Variants in NTF3 observed in about 807,000 individuals in gnomAD.
NTF3 encodes the protein neurotrophin-3.
A neutral mutation model predicts 26.3 loss-of-function variants in NTF3; 8 were observed. That is an observed-to-expected ratio of 0.30 (90% CI 0.18 to 0.55). The LOEUF is 0.55. Ranked by LOEUF, NTF3 falls within the 20% of genes least tolerant of loss-of-function variation. The pLI is 0.93. For synonymous variants in NTF3, 154 were observed against 145.5 expected (o/e 1.06, Z -0.42); for missense variants, 276 against 352.9 (o/e 0.78, Z 1.75).
chr12:5,453,926 T>C (rs1940405478), intron 1 of NTF3, among the ~76,000 whole-genome samples: 1 of 152,248 alleles, frequency 6.6e-6, no homozygotes, highest in Non-Finnish European at 1.5e-5. Context: ...TTGTGCTCTG[T>C]GGCAGGTTAA....
chr12:5,446,709 C>T (rs1940310620), intron 1 of NTF3, among the ~76,000 whole-genome samples: 1 of 152,098 alleles, frequency 6.6e-6, no homozygotes, highest in Admixed American at 6.5e-5. Context: ...CATTGCAATC[C>T]CTGGGTTTCT....
chr12:5,472,855 T>A (rs1940681813), intron 1 of NTF3, among the ~76,000 whole-genome samples: 1 of 152,206 alleles, frequency 6.6e-6, no homozygotes, highest in South Asian at 2.1e-4. Context: ...GAACCAGTGA[T>A]CATAGATATC....
upstream of NTF3, among the ~76,000 whole-genome samples, chr12:5,430,893 G>A (rs1334483400): frequency 6.6e-6 from 1 of 151,990 alleles, no homozygotes; most frequent in African/African-American, 2.4e-5. Flanking sequence ...GGGGCTTGGA[G>A]CGGAGGTCCA....
At chr12:5,435,716 G>T (rs1940158889) in intron 1 of NTF3, among the ~76,000 whole-genome samples, 1 of 152,156 alleles carries the variant, frequency 6.6e-6, no homozygotes, top group South Asian at 2.1e-4. Flanking sequence ...TGGAGCTGGA[G>T]AATGGTGAAG....
At chr12:5,468,910 C>T (rs1940627908) in intron 1 of NTF3, among the ~76,000 whole-genome samples, 1 of 152,134 alleles carries the variant, frequency 6.6e-6, no homozygotes, top group Non-Finnish European at 1.5e-5. Flanking sequence ...CGCTTTAGCC[C>T]AGGAGTAAGA....
chr12:5,482,512 G>A (rs971832506), intron 1 of NTF3, among the ~76,000 whole-genome samples: 3 of 152,174 alleles, frequency 2.0e-5, no homozygotes, highest in African/African-American at 7.2e-5. Flanking sequence ...ATGGTGGCAG[G>A]GTGGAGCAGT....
chr12:5,460,688 G>C (rs1217521036), intron 1 of NTF3, among the ~76,000 whole-genome samples: 2 of 152,050 alleles, frequency 1.3e-5, no homozygotes, highest in African/African-American at 4.8e-5. Flanking sequence ...AATAAAACCA[G>C]CTAGGTCAAT....
At chr12:5,470,310 A>C (rs147482773) in intron 1 of NTF3, among the ~76,000 whole-genome samples, 68 of 152,308 alleles carry the variant, frequency 4.5e-4, no homozygotes, top group African/African-American at 1.6e-3. Flanking sequence ...TTTCTCTGAT[A>C]TGAGGACAGG....
At chr12:5,448,272 A>T (rs1940330932) in intron 1 of NTF3, among the ~76,000 whole-genome samples, 1 of 152,166 alleles carries the variant, frequency 6.6e-6, no homozygotes, top group Admixed American at 6.6e-5. Flanking sequence ...TGAGATTATT[A>T]AATACTCATG....
At chr12:5,474,105 C>T (rs1940695683) in intron 1 of NTF3, among the ~76,000 whole-genome samples, 1 of 152,180 alleles carries the variant, frequency 6.6e-6, no homozygotes, top group South Asian at 2.1e-4. Context: ...GGTGAGCTGA[C>T]AATAATGATG....
rs1940448412 is a variant in NTF3 at position 5,456,370 on chromosome 12, G to A, written c.18+24028G>A. ...GCCTCCTTTTGTGATTTTTGCAGCGGCCTTTAGCTTCCTTTACTCACCCCA... is the reference window on the plus strand; with the variant it reads ...GCCTCCTTTTGTGATTTTTGCAGCGACCTTTAGCTTCCTTTACTCACCCCA... On this transcript the variant is annotated intron_variant, in intron 1 of 1. Coordinates refer to ENST00000423158, the MANE Select transcript of NTF3 (RefSeq NM_001102654.2). This position sits in a 1 kb window ranked among gnomAD's most constrained non-coding sequence, Gnocchi z 4.4. 6.6e-6 allele frequency among the ~76,000 whole-genome samples: 1 copy of A among 152,088 alleles called. No homozygotes were observed. Among genetic ancestry groups the A allele is most frequent in the Non-Finnish European group, 1.5e-5 (1 of 68,018 alleles).
intron 1 of NTF3, among the ~76,000 whole-genome samples, chr12:5,462,309 T>C (rs930595084): frequency 6.6e-6 from 1 of 152,212 alleles, no homozygotes; most frequent in African/African-American, 2.4e-5. Flanking sequence ...ATCTCTAGTT[T>C]AATGGGAAGA....
Position 5,455,565 on chromosome 12 carries a change from C to T in NTF3, c.18+23223C>T, listed in dbSNP as rs796269932. 1.0e-3 allele frequency among the ~76,000 whole-genome samples: 153 copies of T among 146,018 alleles called. 1 individual carries two copies. Among genetic ancestry groups the T allele is most frequent in the African/African-American group, 3.6e-3 (141 of 38,764 alleles). On this transcript the variant is annotated intron_variant, in intron 1 of 1. Transcript: ENST00000423158. ...ACACACACACACACACACACACACA[C>T]ACACACACACACACACACATAGCCC...
chr12:5,432,602 C>CACACACACACAG (rs1357864009), intron 1 of NTF3, among the ~76,000 whole-genome samples: 1 of 132,538 alleles, frequency 7.5e-6, no homozygotes, highest in African/African-American at 2.8e-5. Flanking sequence ...CACACACACA[C>CACACACACACAG]ACACAGACAC....
chr12:5,437,070 C>G (rs1192773866), intron 1 of NTF3, among the ~76,000 whole-genome samples: 2 of 152,168 alleles, frequency 1.3e-5, no homozygotes, highest in African/African-American at 4.8e-5. Context: ...CTTTGAAATT[C>G]TTTGTGCCCA....
At chr12:5,440,652 T>C (rs1442039380) in intron 1 of NTF3, among the ~76,000 whole-genome samples, 3 of 152,222 alleles carry the variant, frequency 2.0e-5, no homozygotes, top group Admixed American at 1.3e-4. Context: ...TTAAATAGCT[T>C]GCCACAGTCT....
chr12:5,464,716 G>A (rs977298998), intron 1 of NTF3, among the ~76,000 whole-genome samples: 24 of 152,116 alleles, frequency 1.6e-4, no homozygotes, highest in Non-Finnish European at 2.8e-4. Flanking sequence ...AGCTCAGGGT[G>A]ACCATGTTCT....
intron 1 of NTF3, among the ~76,000 whole-genome samples, chr12:5,461,443 C>T (rs1940522607): frequency 6.6e-6 from 1 of 152,102 alleles, no homozygotes; most frequent in Non-Finnish European, 1.5e-5. Context: ...AAATGGTTGG[C>T]TACATGGGCT....
intron 1 of NTF3, among the ~76,000 whole-genome samples, chr12:5,440,080 T>C (rs1265039463): frequency 6.6e-6 from 1 of 152,200 alleles, no homozygotes; most frequent in Non-Finnish European, 1.5e-5. Flanking sequence ...TTGCCCTGTT[T>C]GAAGATTGTG....
Sources: gnomAD v4.1 joint callset for allele counts (sites outside exome capture counted in the v4.1 genomes callset) on GRCh38, gnomAD v4.1.1 for gene constraint, Gnocchi (gnomAD v3.1) non-coding constraint, MANE v1.5 for transcripts, NCBI Gene and HGNC (gene_info 2026-07-23, HGNC 2026-07-21) for gene names.